Variants in ATP10B observed in about 807,000 individuals in gnomAD.
The protein encoded by ATP10B is phospholipid-transporting ATPase VB.
A neutral mutation model predicts 141.2 loss-of-function variants in ATP10B; 122 were observed. That is an observed-to-expected ratio of 0.86 (90% CI 0.75 to 1.00). The LOEUF (loss-of-function observed/expected upper bound fraction) is 1.00, where lower values mean the gene tolerates loss of function less well. Among genes scored for constraint, ATP10B ranks in the 50% least tolerant of loss-of-function variants. The pLI, the probability that ATP10B is intolerant of heterozygous loss-of-function variation, is 0.00. For synonymous variants in ATP10B, 685 were observed against 692.0 expected, an observed-to-expected ratio of 0.99 and a Z score of 0.16; for missense variants, 1,876 against 1,825.3, an observed-to-expected ratio of 1.03 and a Z score of -0.51.
In ATP10B at chr5:160,620,499, C is replaced by G. The variant is rs1758264389; in HGVS notation, c.2264G>C (p.Cys755Ser). Residue 755 changes from cysteine to serine, a missense_variant, in exon 15 of 26, where the codon TGC becomes TCC. Cys to Ser is a moderately radical substitution (Grantham distance 112, BLOSUM62 -1). Transcript: ENST00000327245. The stretch of plus-strand genomic sequence containing the variant: ...GGTGCAGAGGAGGCTGAAGGTGAGG[C>G]AGGTGCCCTGGGGCAGGCGCACAGT... The part of the protein sequence containing the change: ...QVTVRLPQGT[C>S]LTFSLLCTLG... 1 of 1,614,196 alleles carries G rather than the reference C, an allele frequency of 6.2e-7. No homozygotes were observed. The highest frequency in any genetic ancestry group is 8.5e-7 in the Non-Finnish European group (1 of 1,180,036).
the ATP10B span, among the ~76,000 whole-genome samples, chr5:160,900,792 A>ATT: frequency 1.8e-5 from 2 of 112,430 alleles, no homozygotes; most frequent in African/African-American, 5.6e-5. Context: ...TAAGATTTAC[A>ATT]TTTTTTTTTT....
chr5:160,636,861 C>G (rs1581239401), intron 10 of ATP10B, among the ~76,000 whole-genome samples: 1 of 151,316 alleles, frequency 6.6e-6, no homozygotes, highest in African/African-American at 2.4e-5. Context: ...TATACCCACC[C>G]TTCCTTCCTT....
intron 7 of ATP10B, among the ~76,000 whole-genome samples, chr5:160,654,298 T>G (rs2127702545): frequency 6.6e-6 from 1 of 152,066 alleles, no homozygotes; most frequent in African/African-American, 2.4e-5. Context: ...CAGGAGTTTC[T>G]GATTCCCTTG....
At position 160,631,086 on chromosome 5, in the gene ATP10B, C is replaced by T. The variant is rs866642601; in HGVS notation, c.1620+1043G>A. 1.6e-4 allele frequency among the ~76,000 whole-genome samples: 25 copies of T among 152,212 alleles called. 1 individual carries two copies. Among genetic ancestry groups the T allele is most frequent in the Middle Eastern group, 3.4e-3 (1 of 292 alleles). On this transcript the variant is annotated intron_variant, in intron 13 of 25. Coordinates refer to ENST00000327245, the MANE Select transcript of ATP10B (RefSeq NM_025153.3). ...GTGTATTCATGGGGGAAATAAAAGA[C>T]TGGGAAAAAATTGGCCAAAAGGACC...
the ATP10B span, among the ~76,000 whole-genome samples, chr5:160,915,993 T>G: frequency 6.6e-6 from 1 of 152,200 alleles, no homozygotes; most frequent in African/African-American, 2.4e-5. Context: ...AGGGGACTCT[T>G]CACTTCCTAG....
intron 6 of ATP10B, among the ~76,000 whole-genome samples, chr5:160,673,039 G>A (rs545968740): frequency 3.9e-5 from 6 of 152,212 alleles, no homozygotes; most frequent in African/African-American, 7.2e-5. Flanking sequence ...TTTAGAACTC[G>A]AAAGAACCAC....
intron 1 of ATP10B, among the ~76,000 whole-genome samples, chr5:160,804,889 A>AC (rs967186723): frequency 2.0e-5 from 3 of 151,958 alleles, no homozygotes; most frequent in Admixed American, 1.3e-4. Flanking sequence ...GGTTTCAGTA[A>AC]CCCCCCACCA....
At chr5:160,781,896 G>A (rs919286457) in intron 2 of ATP10B, among the ~76,000 whole-genome samples, 1 of 152,160 alleles carries the variant, frequency 6.6e-6, no homozygotes, top group East Asian at 1.9e-4. Context: ...GACAAGGATG[G>A]TCCATTTACT....
chr5:160,634,538 G>C lies in ATP10B; in HGVS notation c.1197C>G (p.Ser399Arg). The change falls in exon 12 of 26, where the codon AGC becomes AGG. Residue 399 changes from serine (S) to arginine (R), a missense_variant. Coordinates refer to ENST00000327245, the MANE Select transcript of ATP10B (RefSeq NM_025153.3). Reference sequence around the variant, plus strand: ...CTTCATCATACAGGTCAAGGTCATTGCTCAAGAAGAACACTTGCCCGAGCT... The same window carrying C: ...CTTCATCATACAGGTCAAGGTCATTCCTCAAGAAGAACACTTGCCCGAGCT... ...LVKLGQVFFL[S>R]NDLDLYDEET... The C allele has an allele frequency of 6.2e-7, 1 of 1,614,150 alleles. No homozygotes were observed.
In ATP10B at chr5:160,732,696, A is replaced by C. The variant is rs192686428; in HGVS notation, c.-330-15662T>G. On this transcript the variant is annotated intron_variant, in intron 2 of 25. Transcript: ENST00000327245. ...ACCAATACCTGCTGTTTCAGTTACT[A>C]TAGCTTTGTAGTATATTTTGAAGTC... Among the ~76,000 whole-genome samples, 12 of 152,230 alleles carry C rather than the reference A, an allele frequency of 7.9e-5. No homozygotes were observed. In the East Asian group the frequency reaches 2.3e-3, roughly 29 times the overall value.
intron 1 of ATP10B, among the ~76,000 whole-genome samples, chr5:160,816,870 T>G (rs939289844): frequency 6.6e-6 from 1 of 152,148 alleles, no homozygotes; most frequent in African/African-American, 2.4e-5. Flanking sequence ...ATAAATGTAA[T>G]CCAGCATATA....
At chr5:160,883,576 A>C in the ATP10B span, among the ~76,000 whole-genome samples, 3 of 152,190 alleles carry the variant, frequency 2.0e-5, no homozygotes, top group Admixed American at 2.0e-4. Context: ...GTAATACTGT[A>C]AACTGATTTG....
At chr5:160,674,742 T>G (rs1049558193) in intron 6 of ATP10B, among the ~76,000 whole-genome samples, 2 of 151,530 alleles carry the variant, frequency 1.3e-5, no homozygotes, top group African/African-American at 4.9e-5. Context: ...AGCTATGAGA[T>G]CCATATGACT....
At chr5:160,830,765 A>C (rs1031562924) in intron 1 of ATP10B, among the ~76,000 whole-genome samples, 2 of 152,102 alleles carry the variant, frequency 1.3e-5, no homozygotes, top group Non-Finnish European at 2.9e-5. Flanking sequence ...GTAGAAATGA[A>C]GACAGCAAAT....
At position 160,603,474 on chromosome 5, in the gene ATP10B, T is replaced by C. The variant is rs114940511; in HGVS notation, c.3237+491A>G. 9.5e-3 allele frequency: 1,505 copies of C among 158,840 alleles called. 19 individuals carry two copies. Among genetic ancestry groups the C allele is most frequent in the African/African-American group, 0.034 (1,436 of 41,714 alleles). 9.8% of individuals were successfully genotyped at this position (158,840 alleles called of 1,614,324 possible). Reference sequence around the variant, plus strand: ...TTTTTTAAAGCTCATCAGCTATAGTTAGTGTGTTCTATGTGTAGCCCAATA... The same window carrying C: ...TTTTTTAAAGCTCATCAGCTATAGTCAGTGTGTTCTATGTGTAGCCCAATA... On this transcript the variant is annotated intron_variant, in intron 20 of 25. Coordinates refer to ENST00000327245, the MANE Select transcript of ATP10B (RefSeq NM_025153.3).
the ATP10B span, among the ~76,000 whole-genome samples, chr5:160,911,235 G>A: frequency 1.3e-5 from 2 of 152,170 alleles, no homozygotes; most frequent in Non-Finnish European, 2.9e-5. Context: ...AGAGGACAAA[G>A]GAGATACAAC....
chr5:160,817,723 G>T (rs1445682890), intron 1 of ATP10B, among the ~76,000 whole-genome samples: 1 of 152,138 alleles, frequency 6.6e-6, no homozygotes, highest in Non-Finnish European at 1.5e-5. Context: ...AAAGCTGGAG[G>T]CATCACGCTA....
chr5:160,644,879 A>T (rs962743509), intron 8 of ATP10B, among the ~76,000 whole-genome samples: 1 of 152,162 alleles, frequency 6.6e-6, no homozygotes, highest in Non-Finnish European at 1.5e-5. Flanking sequence ...GCACTTTGGG[A>T]GGCCGAGGCA....
intron 24 of ATP10B, among the ~76,000 whole-genome samples, chr5:160,573,951 G>A (rs1340991610): frequency 6.6e-6 from 1 of 152,162 alleles, no homozygotes; most frequent in Non-Finnish European, 1.5e-5. Flanking sequence ...ATATATGTGT[G>A]CAAGAGTGTT....
Sources: allele counts gnomAD v4.1 joint callset (sites outside exome capture counted in the v4.1 genomes callset), GRCh38; gene constraint gnomAD v4.1.1; transcripts MANE v1.5; gene names NCBI Gene and HGNC (gene_info 2026-07-23, HGNC 2026-07-21).